REPS1: variants seen among roughly 807,000 people sequenced by gnomAD.
REPS1 encodes the protein RALBP1 associated Eps domain containing 1, also known as ralBP1-associated Eps domain-containing protein 1.
In REPS1, 39 loss-of-function variants were observed where a neutral mutation model predicts 100.9. The ratio of observed to expected loss-of-function variants is 0.39; its 90% confidence interval spans 0.30 to 0.50. The LOEUF (loss-of-function observed/expected upper bound fraction) is 0.50, where lower values mean the gene tolerates loss of function less well. Ranked by LOEUF, REPS1 falls within the 20% of genes least tolerant of loss-of-function variation. The pLI, the probability that REPS1 is intolerant of heterozygous loss-of-function variation, is 0.86. For missense variants in REPS1, 821 were observed against 968.5 expected (o/e 0.85, Z 2.02); for synonymous variants, 324 against 340.3 (o/e 0.95, Z 0.53).
chr6:138,987,544 C>T lies in REPS1; in HGVS notation c.139G>A (p.Asp47Asn). ...ELFRAAQLPN[D>N]VVLQIMELCG... ...CGCGACGTTACCTGTAGGACCACGT[C>T]GTTCGGCAGCTGCGCGGCCCGGAAC... The change falls in exon 1 of 20, where the codon GAC becomes AAC. Residue 47 changes from aspartate (D) to asparagine (N), a missense_variant. Asp to Asn is a conservative substitution (Grantham distance 23). Coordinates refer to ENST00000450536, the MANE Select transcript of REPS1 (RefSeq NM_001286611.2). The T allele has an allele frequency of 1.9e-6, 3 of 1,549,736 alleles. No homozygotes were observed. The highest frequency in any genetic ancestry group is 2.6e-6 in the Non-Finnish European group (3 of 1,146,326).
Position 138,930,006 on chromosome 6 carries a change from T to C in REPS1, c.1228A>G (p.Thr410Ala), listed in dbSNP as rs763944642. 39 of 1,613,594 alleles carry C rather than the reference T, an allele frequency of 2.4e-5. No individual in the cohort carries two copies. In the South Asian group the frequency reaches 4.3e-4, roughly 18 times the overall value. Residue 410 changes from threonine to alanine, a missense_variant, in exon 9 of 20, where the codon ACA becomes GCA. By Grantham distance (58) the Thr-to-Ala change is moderately conservative. Coordinates refer to ENST00000450536, the MANE Select transcript of REPS1 (RefSeq NM_001286611.2). ...CTGCTCTGATTCAGCTCAGGCCATG[T>C]CTGGTTTAGTGATGGCATCGATGGT... ...KSPSMPSLNQ[T>A]WPELNQSSEQ...
intron 1 of REPS1, among the ~76,000 whole-genome samples, chr6:138,959,581 T>C (rs554123993): frequency 1.3e-5 from 2 of 152,324 alleles, no homozygotes; most frequent in South Asian, 4.2e-4. Flanking sequence ...TCAGTTTAAA[T>C]GGAACGGGGT....
chr6:138,963,492 C>G (rs1359898767), intron 1 of REPS1, among the ~76,000 whole-genome samples: 1 of 152,146 alleles, frequency 6.6e-6, no homozygotes, highest in Admixed American at 6.5e-5. Context: ...CCTGATTTAC[C>G]GAATTCACTG....
chr6:138,909,075 T>G (rs1562508438), intron 17 of REPS1, among the ~76,000 whole-genome samples: 3 of 152,224 alleles, frequency 2.0e-5, no homozygotes, highest in Non-Finnish European at 2.9e-5. Flanking sequence ...GACTGTAATA[T>G]TCACAGTTTT....
chr6:138,923,296 C>T (rs566452174), intron 10 of REPS1, among the ~76,000 whole-genome samples: 96 of 152,036 alleles, frequency 6.3e-4, no homozygotes, highest in Admixed American at 1.3e-3. Context: ...CAGAATTTAC[C>T]TTTATAAGGC....
chr6:138,982,422 C>A (rs1246569911), intron 1 of REPS1, among the ~76,000 whole-genome samples: 2 of 152,164 alleles, frequency 1.3e-5, no homozygotes, highest in African/African-American at 4.8e-5. Context: ...TACTAGAACC[C>A]TTTATCAATC....
At chr6:138,966,756 T>C (rs1035084455) in intron 1 of REPS1, among the ~76,000 whole-genome samples, 4 of 152,062 alleles carry the variant, frequency 2.6e-5, no homozygotes, top group Non-Finnish European at 2.9e-5. Flanking sequence ...CAAGTTTTGA[T>C]AGGTGTCATA....
intron 9 of REPS1, 130 bp from the exon 10 acceptor site, chr6:138,926,611 T>G: frequency 6.2e-6 from 4 of 642,760 alleles, no homozygotes; most frequent in Non-Finnish European, 1.1e-5. Context: ...CAAAATTCAG[T>G]AATTTCTATT....
At chr6:138,908,437 G>A (rs969142780) in intron 18 of REPS1, among the ~76,000 whole-genome samples, 1 of 152,076 alleles carries the variant, frequency 6.6e-6, no homozygotes, top group Admixed American at 6.6e-5. Flanking sequence ...TGGGACTACA[G>A]GTGTGTACCA....
chr6:138,907,392 A>T (rs1269927365), intron 19 of REPS1, 103 bp downstream of exon 19: 1 of 728,948 alleles, frequency 1.4e-6, no homozygotes, highest in Non-Finnish European at 2.3e-6. Context: ...ATTAGAGAAG[A>T]GAACCATATA....
At chr6:138,979,312 TAAC>T (rs1272671823) in intron 1 of REPS1, among the ~76,000 whole-genome samples, 7 of 151,486 alleles carry the variant, frequency 4.6e-5, no homozygotes, top group African/African-American at 1.7e-4. Context: ...TTAGCAATCC[TAAC>T]AACTAAAATC....
At chr6:138,923,928 C>CT (rs60764400) in intron 10 of REPS1, among the ~76,000 whole-genome samples, 13,387 of 152,132 alleles carry the variant, frequency 0.088, 1,229 homozygotes, top group African/African-American at 0.23. Flanking sequence ...TTTTTCCCCC[C>CT]AGGTGATTCC....
chr6:138,964,207 TG>T (rs1017821124), intron 1 of REPS1, among the ~76,000 whole-genome samples: 2 of 151,924 alleles, frequency 1.3e-5, no homozygotes, highest in African/African-American at 4.8e-5. Context: ...GACATTCTCT[TG>T]TTTTTTTTTT....
chr6:138,960,144 T>A (rs1783645871), intron 1 of REPS1, among the ~76,000 whole-genome samples: 2 of 152,306 alleles, frequency 1.3e-5, no homozygotes, highest in Middle Eastern at 3.4e-3. Flanking sequence ...GAAGTAATTT[T>A]AAAAAATCTT....
chr6:138,974,455 G>A (rs1784493340), intron 1 of REPS1, among the ~76,000 whole-genome samples: 1 of 152,196 alleles, frequency 6.6e-6, no homozygotes, highest in Non-Finnish European at 1.5e-5. Flanking sequence ...TAAATACAAT[G>A]ACTATGTGTC....
intron 1 of REPS1, among the ~76,000 whole-genome samples, chr6:138,968,542 C>T (rs994059159): frequency 3.3e-5 from 5 of 152,174 alleles, no homozygotes; most frequent in Admixed American, 2.6e-4. Flanking sequence ...AATTTCAGAC[C>T]CTTGCATACC....
At chr6:138,918,063 T>C (rs527271969) in intron 12 of REPS1, among the ~76,000 whole-genome samples, 2 of 151,762 alleles carry the variant, frequency 1.3e-5, no homozygotes, top group Admixed American at 6.6e-5. Context: ...TTTTTTAATA[T>C]AGTTTGCATG....
chr6:138,947,907 C>T lies in REPS1; in HGVS notation c.160G>A (p.Glu54Lys), dbSNP rs2128479140. ...LPNDVVLQIM[E>K]LCGATRLGYF... ...CCAAGTCTTGTTGCACCACAAAGCT[C>T]CATGATCTATAAAATAACATAATGT... The change falls in exon 2 of 20, where the codon GAG (glutamate) becomes AAG (lysine). Residue 54 changes from glutamate (E) to lysine (K), a missense_variant. By Grantham distance (56) the Glu-to-Lys change is moderately conservative. This residue lies in a region of REPS1 where 28 missense variants were observed against 65.3 expected (regional missense o/e 0.43). Transcript: ENST00000450536. 1 of 1,590,376 alleles carries T rather than the reference C, an allele frequency of 6.3e-7. No individual in the cohort carries two copies. Among genetic ancestry groups the T allele is most frequent in the Non-Finnish European group, 8.5e-7 (1 of 1,173,280 alleles).
At chr6:138,970,042 A>T (rs990749190) in intron 1 of REPS1, among the ~76,000 whole-genome samples, 14 of 152,102 alleles carry the variant, frequency 9.2e-5, no homozygotes, top group African/African-American at 3.4e-4. Context: ...TCTAAATGCC[A>T]CACTAATTTT....
Sources: gnomAD v4.1 joint callset for allele counts (sites outside exome capture counted in the v4.1 genomes callset) on GRCh38, gnomAD v4.1.1 for gene constraint, gnomAD v4.1.1 regional missense constraint, MANE v1.5 for transcripts, NCBI Gene and HGNC (gene_info 2026-07-23, HGNC 2026-07-21) for gene names.